Variants in PAX8 observed in about 807,000 individuals in gnomAD.
The protein encoded by PAX8 is paired box protein Pax-8.
In PAX8, 15 loss-of-function variants were observed where a neutral mutation model predicts 52.4. The observed-to-expected ratio is 0.29, with a 90% CI of 0.19 to 0.44. The LOEUF is 0.44. Among genes scored for constraint, PAX8 ranks in the 20% least tolerant of loss-of-function variants. The probability of loss-of-function intolerance (pLI) is 1.00; values close to 1 mark genes in which losing one functional copy is unlikely to be tolerated. For synonymous variants in PAX8, 284 were observed against 249.7 expected, an observed-to-expected ratio of 1.14 and a Z score of -1.29; for missense variants, 554 against 602.5, an observed-to-expected ratio of 0.92 and a Z score of 0.84.
intron 6 of PAX8, 83 bp from the exon 7 acceptor site, chr2:113,241,809 C>G (rs777955449): frequency 5.2e-6 from 8 of 1,543,054 alleles, no homozygotes; most frequent in Non-Finnish European, 6.3e-6. Flanking sequence ...TGACTCCAAG[C>G]TGACTCACTG....
In PAX8 at chr2:113,246,809, C is replaced by T. The variant is rs781575903; in HGVS notation, c.136G>A (p.Asp46Asn). ...CTGACGCGGAGCTGGCGAGAGATGTCGCAGGGCCTTACACCCTGGTGGGCC... is the reference window on the plus strand; with the variant it reads ...CTGACGCGGAGCTGGCGAGAGATGTTGCAGGGCCTTACACCCTGGTGGGCC... Reference protein sequence around the residue: ...DLAHQGVRPCDISRQLRVSHG... With the variant: ...DLAHQGVRPCNISRQLRVSHG... Residue 46 changes from aspartate to asparagine, a missense_variant, in exon 3 of 12, where the codon GAC becomes AAC. Asp to Asn is a conservative substitution (Grantham distance 23). Coordinates refer to ENST00000429538, the MANE Select transcript of PAX8 (RefSeq NM_003466.4). The T allele has an allele frequency of 6.2e-6, 10 of 1,614,076 alleles. No homozygotes were observed. Among genetic ancestry groups the T allele is most frequent in the Admixed American group, 3.3e-5 (2 of 60,012 alleles).
intron 9 of PAX8, among the ~76,000 whole-genome samples, chr2:113,228,023 G>T (rs1689686911): frequency 6.6e-6 from 1 of 152,008 alleles, no homozygotes; most frequent in Admixed American, 6.6e-5. Context: ...ATAGCTTGTG[G>T]GTCATACCCC....
At chr2:113,238,761 T>A (rs934152958) in intron 7 of PAX8, 1 of 152,192 alleles carries the variant, frequency 6.6e-6, no homozygotes, top group Non-Finnish European at 1.5e-5. Flanking sequence ...AGACTCTACT[T>A]TATGAGGCTG....
At chr2:113,220,333 CCT>C (rs1689203907) in intron 10 of PAX8, 155 bp from the exon 11 acceptor site, 4 of 639,290 alleles carry the variant, frequency 6.3e-6, no homozygotes, top group East Asian at 5.5e-5. Context: ...TCAGAAGGTC[CCT>C]CTGTCATCCC....
At chr2:113,228,920 A>C (rs988232274) in intron 9 of PAX8, among the ~76,000 whole-genome samples, 6 of 152,152 alleles carry the variant, frequency 3.9e-5, no homozygotes, top group South Asian at 2.1e-4. Flanking sequence ...CCTCCTCCTT[A>C]TCTCTCTTTC....
chr2:113,276,866 G>GCAGAAGTGCCATTGCACCAGCTTGGCA (rs1693853819), intron 2 of PAX8, among the ~76,000 whole-genome samples: 1 of 152,062 alleles, frequency 6.6e-6, no homozygotes, highest in South Asian at 2.1e-4. Context: ...CCAGCTTGGC[G>GCAGAAGTGCCATTGCACCAGCTTGGCA]CAGAAGTGCC....
At chr2:113,222,747 A>T (rs1558683283) in intron 10 of PAX8, among the ~76,000 whole-genome samples, 1 of 152,014 alleles carries the variant, frequency 6.6e-6, no homozygotes, top group East Asian at 1.9e-4. Flanking sequence ...TCTCTGCCCC[A>T]TGGTCTCTGC....
chr2:113,245,044 T>TG (rs1436977939), intron 3 of PAX8, among the ~76,000 whole-genome samples: 5 of 138,710 alleles, frequency 3.6e-5, no homozygotes, highest in Non-Finnish European at 7.9e-5. Flanking sequence ...AGGTTTTTTT[T>TG]GTTTTTTTTT....
At position 113,255,241 on chromosome 2, in the gene PAX8, AGGGGAGGAGGGAGGGAGGAGGGAG is replaced by A. The variant is rs1558737235; in HGVS notation, c.26-8346_26-8323del. Reference sequence around the variant, plus strand: ...GAGGGGAGGAGGGAGGGGAGGAGGGAGGGGAGGAGGGAGGGAGGAGGGAGGGGAGGAGGGAGGGGAGGAGGGAGG... The same window carrying A: ...GAGGGGAGGAGGGAGGGGAGGAGGGAGGGAGGAGGGAGGGGAGGAGGGAGG... On this transcript the variant is annotated intron_variant, in intron 2 of 11. Transcript: ENST00000429538. 2.4e-3 allele frequency: 32 copies of A among 13,354 alleles called. 1 individual carries two copies. Among genetic ancestry groups the A allele is most frequent in the Admixed American group, 4.4e-3 (5 of 1,132 alleles). The allele number at this position is 13,354 out of a possible 1,614,324, so 0.8% of individuals were successfully genotyped here.
intron 3 of PAX8, among the ~76,000 whole-genome samples, chr2:113,245,172 G>A (rs577940563): frequency 4.6e-5 from 7 of 151,784 alleles, no homozygotes; most frequent in South Asian, 2.1e-4. Flanking sequence ...TCAGCCTCCC[G>A]AGTAGCTGGG....
chr2:113,253,519 G>T (rs569715496), intron 2 of PAX8, among the ~76,000 whole-genome samples: 1 of 152,160 alleles, frequency 6.6e-6, no homozygotes, highest in Non-Finnish European at 1.5e-5. Context: ...TCTCTGCACC[G>T]CACTGTCATC....
chr2:113,219,215 G>T (rs1689142463), intron 11 of PAX8, among the ~76,000 whole-genome samples: 1 of 152,184 alleles, frequency 6.6e-6, no homozygotes, highest in Non-Finnish European at 1.5e-5. Flanking sequence ...GCCCAGGTCT[G>T]CCACCTTTCA....
chr2:113,236,545 G>C, intron 8 of PAX8, 56 bp downstream of exon 8: 3 of 1,532,058 alleles, frequency 2.0e-6, no homozygotes, highest in Admixed American at 4.0e-5. Flanking sequence ...CTGACAGCCA[G>C]CCAAGCTCTT....
chr2:113,246,737 G>A lies in PAX8; in HGVS notation c.191+17C>T, dbSNP rs771861335. 1 of 1,609,468 alleles carries A rather than the reference G, an allele frequency of 6.2e-7. No individual in the cohort carries two copies. The highest frequency in any genetic ancestry group is 1.7e-5 in the Admixed American group (1 of 59,966). Reference sequence around the variant, plus strand: ...AGCCCTGCGGGGAAGGCGGCCTGCGGTGAATTTCGTGCTTACCTGCCAAGG... The same window carrying A: ...AGCCCTGCGGGGAAGGCGGCCTGCGATGAATTTCGTGCTTACCTGCCAAGG... On this transcript the variant is annotated intron_variant, in intron 3 of 11. Coordinates refer to ENST00000429538, the MANE Select transcript of PAX8 (RefSeq NM_003466.4).
chr2:113,253,002 C>T (rs982977538), intron 2 of PAX8, among the ~76,000 whole-genome samples: 2 of 152,244 alleles, frequency 1.3e-5, no homozygotes, highest in African/African-American at 2.4e-5. Context: ...ACATTCGGTG[C>T]TCAGCCTGCT....
intron 6 of PAX8, 141 bp from the exon 7 acceptor site, chr2:113,241,867 A>T: frequency 7.0e-7 from 1 of 1,427,792 alleles, no homozygotes. Flanking sequence ...GCCTTGGCCA[A>T]CTGAGGGACA....
chr2:113,239,700 T>C (rs1405545249), intron 7 of PAX8: 1 of 152,036 alleles, frequency 6.6e-6, no homozygotes, highest in African/African-American at 2.4e-5. Flanking sequence ...GAAAGATGAG[T>C]GGTTGGAGAA....
At chr2:113,226,892 A>G (rs1263136081) in intron 10 of PAX8, 1 of 1,370,280 alleles carries the variant, frequency 7.3e-7, no homozygotes, top group Non-Finnish European at 9.5e-7. Flanking sequence ...GACCTGTCTC[A>G]GCCCCTCCCT....
At chr2:113,273,006 T>C (rs1397266242) in intron 2 of PAX8, 1 of 152,224 alleles carries the variant, frequency 6.6e-6, no homozygotes, top group African/African-American at 2.4e-5. Context: ...AAAACATTTT[T>C]TTTCTTAAAT....
Sources: allele counts gnomAD v4.1 joint callset (sites outside exome capture counted in the v4.1 genomes callset), GRCh38; gene constraint gnomAD v4.1.1; transcripts MANE v1.5; gene names NCBI Gene and HGNC (gene_info 2026-07-23, HGNC 2026-07-21).